The following GLIS3 variants were observed in gnomAD, a reference collection of about 807,000 sequenced individuals.
GLIS3 encodes the protein GLIS family zinc finger 3.
A neutral mutation model predicts 78.6 loss-of-function variants in GLIS3; 53 were observed. The ratio of observed to expected loss-of-function variants is 0.67; its 90% CI spans 0.54 to 0.85. The LOEUF is 0.85. GLIS3 is among the 40% of genes least tolerant of loss of function. The pLI, the probability that GLIS3 is intolerant of heterozygous loss-of-function variation, is 0.00. For missense variants in GLIS3, 1,703 were observed against 1,231.1 expected (o/e 1.38, Z -5.74); for synonymous variants, 684 against 509.9 (o/e 1.34, Z -4.60).
intron 2 of GLIS3, among the ~76,000 whole-genome samples, chr9:4,277,413 T>C (rs539455184): frequency 1.3e-5 from 2 of 152,338 alleles, no homozygotes; most frequent in South Asian, 4.1e-4. Flanking sequence ...AAACTTGATG[T>C]ATTATTTAAA....
At chr9:4,097,742 T>C (rs1423727320) in intron 4 of GLIS3, among the ~76,000 whole-genome samples, 1 of 152,138 alleles carries the variant, frequency 6.6e-6, no homozygotes, top group Non-Finnish European at 1.5e-5. Flanking sequence ...CCTGGTTAAA[T>C]CCTGACTCTG....
intron 4 of GLIS3, among the ~76,000 whole-genome samples, chr9:3,962,065 A>T (rs1009802180): frequency 3.3e-5 from 5 of 152,030 alleles, no homozygotes; most frequent in East Asian, 3.9e-4. Flanking sequence ...AATAAAATTT[A>T]AAAAATTAGT....
At chr9:4,018,076 G>C (rs189352016) in intron 4 of GLIS3, among the ~76,000 whole-genome samples, 1 of 152,226 alleles carries the variant, frequency 6.6e-6, no homozygotes, top group Admixed American at 6.5e-5. Context: ...GTGCATTTTC[G>C]AATCTTGGAT....
chr9:4,458,362 A>G, the GLIS3 span, among the ~76,000 whole-genome samples: 1 of 152,234 alleles, frequency 6.6e-6, no homozygotes. Flanking sequence ...GGAGAGAGTC[A>G]AATAATGAAC....
chr9:4,344,502 G>C (rs1478145868), intron 2 of GLIS3, among the ~76,000 whole-genome samples: 1 of 152,198 alleles, frequency 6.6e-6, no homozygotes, highest in Non-Finnish European at 1.5e-5. Context: ...TAAGTGTAAA[G>C]TAACCCAGAG....
In GLIS3 at chr9:4,139,327, T is replaced by G. The variant is rs116282198; in HGVS notation, c.389-13386A>C. Among the ~76,000 whole-genome samples, 571 of 152,268 alleles carry G rather than the reference T, an allele frequency of 3.7e-3. 3 individuals carry two copies. Among genetic ancestry groups the G allele is most frequent in the African/African-American group, 0.013 (549 of 41,540 alleles). On this transcript the variant is annotated intron_variant, in intron 2 of 10. Coordinates refer to ENST00000381971, the MANE Select transcript of GLIS3 (RefSeq NM_001042413.2). ...CAGCAAGTGCTCACCAAATATCTGT[T>G]GGATGAATAGGTAATGAATACAACT...
chr9:4,146,644 C>T (rs1486171134), intron 2 of GLIS3, among the ~76,000 whole-genome samples: 1 of 152,164 alleles, frequency 6.6e-6, no homozygotes, highest in Non-Finnish European at 1.5e-5. Flanking sequence ...AAATTAGCAA[C>T]TGCAGTTACG....
At chr9:4,409,009 A>G in the GLIS3 span, among the ~76,000 whole-genome samples, 2 of 152,044 alleles carry the variant, frequency 1.3e-5, no homozygotes, top group Non-Finnish European at 2.9e-5. Context: ...AAAATTAAAT[A>G]TATATGTATA....
the GLIS3 span, among the ~76,000 whole-genome samples, chr9:4,389,499 G>T: frequency 4.9e-3 from 742 of 152,214 alleles, 9 homozygotes; most frequent in African/African-American, 0.017. Flanking sequence ...AGCCCTTGTT[G>T]GTGAAATATG....
the GLIS3 span, among the ~76,000 whole-genome samples, chr9:4,456,757 A>G: frequency 2.0e-5 from 3 of 152,266 alleles, no homozygotes; most frequent in Admixed American, 1.3e-4. Flanking sequence ...GTTTCAGGGA[A>G]TTGGGAAGCC....
chr9:3,874,586 G>A (rs916698364), intron 8 of GLIS3, among the ~76,000 whole-genome samples: 5 of 152,056 alleles, frequency 3.3e-5, no homozygotes, highest in African/African-American at 9.7e-5. Flanking sequence ...CATCAGAAGT[G>A]GGGGGCAGTC....
intron 2 of GLIS3, among the ~76,000 whole-genome samples, chr9:4,226,368 C>G (rs1298286813): frequency 6.6e-6 from 1 of 152,062 alleles, no homozygotes; most frequent in African/African-American, 2.4e-5. Flanking sequence ...CAGTATTTCG[C>G]ATGTTGTCAT....
At chr9:4,447,757 T>G in the GLIS3 span, among the ~76,000 whole-genome samples, 45 of 152,288 alleles carry the variant, frequency 3.0e-4, no homozygotes, top group African/African-American at 1.1e-3. Flanking sequence ...TCAGAGGACT[T>G]CATCTCTTCT....
At chr9:4,422,944 T>C in the GLIS3 span, among the ~76,000 whole-genome samples, 1 of 152,190 alleles carries the variant, frequency 6.6e-6, no homozygotes, top group Non-Finnish European at 1.5e-5. Flanking sequence ...ATTGTTGCCT[T>C]GCTATGCCCT....
chr9:4,259,959 C>G lies in GLIS3; in HGVS notation c.388+26079G>C, dbSNP rs78861153. On this transcript the variant is annotated intron_variant, in intron 2 of 10. Coordinates refer to ENST00000381971, the MANE Select transcript of GLIS3 (RefSeq NM_001042413.2). ...AGTTATTTTCACCAGCAGACTTTGT[C>G]TTTGTGTAAGCCCTAGACTTCCAAG... Among the ~76,000 whole-genome samples the G allele has an allele frequency of 3.6e-3, 545 of 152,314 alleles. 4 individuals are homozygous for G. The highest frequency in any genetic ancestry group is 0.012 in the African/African-American group (512 of 41,570).
upstream of GLIS3, among the ~76,000 whole-genome samples, chr9:4,349,152 G>C (rs1477427764): frequency 6.6e-6 from 1 of 152,168 alleles, no homozygotes. Flanking sequence ...CTTAAAATAA[G>C]CCTTTGCCAT....
At chr9:4,271,431 T>C (rs1470240128) in intron 2 of GLIS3, among the ~76,000 whole-genome samples, 3 of 152,250 alleles carry the variant, frequency 2.0e-5, no homozygotes, top group African/African-American at 7.2e-5. Context: ...ATATATCCTA[T>C]TGGTTCTGTT....
intron 7 of GLIS3, among the ~76,000 whole-genome samples, chr9:3,893,462 T>G (rs1032471228): frequency 1.3e-5 from 2 of 152,184 alleles, no homozygotes; most frequent in African/African-American, 4.8e-5. Flanking sequence ...GCTGAGTGGT[T>G]ATAAGATCTC....
rs148913967 is a variant in GLIS3 at position 4,140,043 on chromosome 9, C to G, written c.389-14102G>C. 6.4e-4 allele frequency among the ~76,000 whole-genome samples: 98 copies of G among 152,282 alleles called. 1 individual carries two copies. In the East Asian group the frequency reaches 0.018, roughly 28 times the overall value. On this transcript the variant is annotated intron_variant, in intron 2 of 10. Transcript: ENST00000381971. ...AGCCAATTCTTCATATTAGATATAACTTCTTAGCCTGTAAAAGGCATATCT... is the reference window on the plus strand; with the variant it reads ...AGCCAATTCTTCATATTAGATATAAGTTCTTAGCCTGTAAAAGGCATATCT...
Sources: allele counts gnomAD v4.1 joint callset (sites outside exome capture counted in the v4.1 genomes callset), GRCh38; gene constraint gnomAD v4.1.1; transcripts MANE v1.5; gene names NCBI Gene and HGNC (gene_info 2026-07-23, HGNC 2026-07-21).